The following LRRC71 variants were observed in gnomAD, a reference collection of about 807,000 sequenced individuals.
The protein encoded by LRRC71 is leucine-rich repeat-containing protein 71.
A neutral mutation model predicts 66.6 loss-of-function variants in LRRC71; 54 were observed. The observed-to-expected ratio is 0.81, with a 90% confidence interval of 0.65 to 1.02. LRRC71 has a LOEUF of 1.02. Among genes scored for constraint, LRRC71 ranks in the 50% least tolerant of loss-of-function variants. LRRC71 has a pLI of 0.00. For synonymous variants in LRRC71, 323 were observed against 303.9 expected, an observed-to-expected ratio of 1.06 and a Z score of -0.65; for missense variants, 724 against 718.0, an observed-to-expected ratio of 1.01 and a Z score of -0.10.
At chr1:156,936,180 AC>A, downstream of LRRC71, 1 of 1,055,734 alleles carries the variant, frequency 9.5e-7, no homozygotes, top group Non-Finnish European at 1.5e-6. Flanking sequence ...TCCTCCAGAA[AC>A]CCCAGTTTCT....
chr1:156,938,435 C>T, the LRRC71 span: 1 of 1,613,802 alleles, frequency 6.2e-7, no homozygotes, highest in Admixed American at 1.7e-5. Context: ...CTTTGTTCCG[C>T]CTTCCACTTC....
intron 1 of LRRC71, chr1:156,921,581 C>T: frequency 1.0e-6 from 1 of 955,830 alleles, no homozygotes; most frequent in Non-Finnish European, 1.2e-6. Flanking sequence ...CAGCATTAGC[C>T]AGGTACTATC....
At chr1:156,935,845 A>T, downstream of LRRC71, 1 of 809,306 alleles carries the variant, frequency 1.2e-6, no homozygotes, top group Non-Finnish European at 1.9e-6. Context: ...ACCAAGCAAC[A>T]TGCGGGTCTC....
At chr1:156,925,785 C>T (rs1178769103) in intron 5 of LRRC71, among the ~76,000 whole-genome samples, 1 of 152,214 alleles carries the variant, frequency 6.6e-6, no homozygotes. Context: ...CTGTCTTCCT[C>T]CTGTAGATGG....
At position 156,929,742 on chromosome 1, in the gene LRRC71, GC is replaced by G. The variant is rs1653990474; in HGVS notation, c.1240+17del. 1 of 1,551,604 alleles carries G rather than the reference GC, an allele frequency of 6.4e-7. No individual in the cohort carries two copies. The highest frequency in any genetic ancestry group is 1.4e-5 in the African/African-American group (1 of 73,090). ...GCAGGCAAGGGGAGTAAGTGCGGGT[GC>G]CCCTGGGTGGCATCTTCCTGTGTGG... On this transcript the variant is annotated intron_variant, in intron 11 of 14. Coordinates refer to ENST00000337428, the MANE Select transcript of LRRC71 (RefSeq NM_144702.3).
At chr1:156,929,816 G>C in intron 11 of LRRC71, 87 bp downstream of exon 11, 1 of 1,110,770 alleles carries the variant, frequency 9.0e-7, no homozygotes, top group African/African-American at 1.6e-5. Flanking sequence ...TCTGGGCCTG[G>C]GTGCGCCTGC....
Position 156,924,569 on chromosome 1 carries a change from C to A in LRRC71, c.439+17C>A. ...ACATCCGCGGTGAGCCCCGCTCCCC[C>A]CACCCGCCCCAGCTCCCTCCCGCTC... is the stretch of plus-strand genomic sequence containing the variant. On this transcript the variant is annotated intron_variant, in intron 3 of 14. Transcript: ENST00000337428. 3.9e-6 allele frequency: 6 copies of A among 1,551,508 alleles called. No individual in the cohort carries two copies. Among genetic ancestry groups the A allele is most frequent in the Non-Finnish European group, 4.4e-6 (5 of 1,146,880 alleles).
chr1:156,938,344 G>C, the LRRC71 span: 9 of 1,383,730 alleles, frequency 6.5e-6, no homozygotes, highest in South Asian at 1.1e-4. Flanking sequence ...CCATGGGCAG[G>C]GGTCCGACTC....
Position 156,924,514 on chromosome 1 carries a change from A to G in LRRC71, c.401A>G (p.Gln134Arg). ...FRPTIQVELE[Q>R]EDSKSVKEIY... is the part of the protein sequence containing the mutation. Reference sequence around the variant, plus strand: ...CCCACCATCCAGGTGGAGCTGGAGCAGGAGGACAGCAAGTCAGTGAAGGAA... The same window carrying G: ...CCCACCATCCAGGTGGAGCTGGAGCGGGAGGACAGCAAGTCAGTGAAGGAA... Residue 134 changes from glutamine (Q) to arginine (R), a missense_variant, in exon 3 of 15, where the codon CAG (glutamine) becomes CGG (arginine). Gln to Arg is a conservative substitution (Grantham distance 43, BLOSUM62 1). Coordinates refer to ENST00000337428, the MANE Select transcript of LRRC71 (RefSeq NM_144702.3). 3.2e-6 allele frequency: 5 copies of G among 1,551,470 alleles called. No individual in the cohort carries two copies. The highest frequency in any genetic ancestry group is 4.4e-6 in the Non-Finnish European group (5 of 1,146,986).
At chr1:156,940,068 A>C in the LRRC71 span, 7 of 1,407,550 alleles carry the variant, frequency 5.0e-6, no homozygotes, top group Non-Finnish European at 6.7e-6. Flanking sequence ...GTGGGGAATG[A>C]CATCTGTCTC....
intron 8 of LRRC71, 37 bp downstream of exon 8, chr1:156,927,853 G>C: frequency 6.2e-7 from 1 of 1,611,666 alleles, no homozygotes. Context: ...GGGCGTGGGC[G>C]GGCCGAGGGA....
intron 4 of LRRC71, 60 bp downstream of exon 4, chr1:156,924,778 T>C: frequency 6.5e-7 from 1 of 1,540,154 alleles, no homozygotes; most frequent in Non-Finnish European, 8.8e-7. Flanking sequence ...TCCTGGTGGC[T>C]TGGGAGAGAG....
chr1:156,929,280 C>T lies in LRRC71; in HGVS notation c.997C>T (p.Pro333Ser). ...CCTTCCCTCCCATTTGTGAGCACAG[C>T]CCTCCTCCTCTCGACACGGGGACTC... ...EKGTQERSRS[P>S]SSSRHGDSKT... Residue 333 changes from proline (P) to serine (S), a missense_variant and splice_region_variant, in exon 10 of 15, where the codon CCC becomes TCC. Transcript: ENST00000337428. 3.8e-6 allele frequency: 6 copies of T among 1,598,828 alleles called. No individual in the cohort carries two copies. Among genetic ancestry groups the T allele is most frequent in the Non-Finnish European group, 5.1e-6 (6 of 1,172,480 alleles).
At chr1:156,940,037 C>A in the LRRC71 span, 16 of 1,472,254 alleles carry the variant, frequency 1.1e-5, no homozygotes, top group South Asian at 1.2e-4. Context: ...GGGCTCTGGC[C>A]AACTAGCTGG....
the LRRC71 span, chr1:156,939,848 C>T: frequency 6.2e-7 from 1 of 1,612,108 alleles, no homozygotes; most frequent in South Asian, 1.1e-5. Flanking sequence ...TCCTGGGCAG[C>T]CTGAGTTTCC....
intron 5 of LRRC71, 149 bp from the exon 6 acceptor site, chr1:156,927,053 G>C (rs1238147941): frequency 1.9e-5 from 13 of 691,910 alleles, no homozygotes; most frequent in Middle Eastern, 2.5e-4. Flanking sequence ...TTAGTCTGGG[G>C]AATTGTCACA....
Position 156,933,053 on chromosome 1 carries a change from T to G in LRRC71, c.*84T>G. 1 of 921,580 alleles carries G rather than the reference T, an allele frequency of 1.1e-6. No homozygotes were observed. The highest frequency in any genetic ancestry group is 1.7e-6 in the Non-Finnish European group (1 of 603,912). 57.1% of individuals were successfully genotyped at this position (921,580 alleles called of 1,614,324 possible). A position where few individuals can be genotyped will look rare whatever the true frequency, so the allele number is the denominator to read the frequency against. ...TGTGGGGTGACCTCCCTGGGGGAGATCTCAGACCAATAACAAAGTCTGTTG... is the reference window on the plus strand; with the variant it reads ...TGTGGGGTGACCTCCCTGGGGGAGAGCTCAGACCAATAACAAAGTCTGTTG... On this transcript the variant is annotated 3_prime_UTR_variant, in exon 15 of 15. Transcript: ENST00000337428.
downstream of LRRC71, chr1:156,936,034 C>T (rs201600990): frequency 5.0e-6 from 8 of 1,613,974 alleles, no homozygotes; most frequent in African/African-American, 9.3e-5. Flanking sequence ...GTCTGCTGTG[C>T]TGTCTTCCAG....
At chr1:156,935,700 CAT>C (rs1654919079), downstream of LRRC71, 2 of 393,122 alleles carry the variant, frequency 5.1e-6, no homozygotes, top group Non-Finnish European at 9.2e-6. Flanking sequence ...CGTGTACACA[CAT>C]ATGTGGGGTG....
Sources: allele counts gnomAD v4.1 joint callset (sites outside exome capture counted in the v4.1 genomes callset), GRCh38; gene constraint gnomAD v4.1.1; transcripts MANE v1.5; gene names NCBI Gene and HGNC (gene_info 2026-07-23, HGNC 2026-07-21).